CACNA1S: variants seen among roughly 807,000 people sequenced by gnomAD.
CACNA1S encodes calcium voltage-gated channel subunit alpha1 S, also known as voltage-dependent L-type calcium channel subunit alpha-1S.
A neutral mutation model predicts 207.4 loss-of-function variants in CACNA1S; 126 were observed. The ratio of observed to expected loss-of-function variants is 0.61; its 90% CI spans 0.53 to 0.70. The LOEUF is 0.70. Ranked by LOEUF, CACNA1S falls within the 30% of genes least tolerant of loss-of-function variation. CACNA1S has a pLI of 0.00. For missense variants in CACNA1S, 2,349 were observed against 2,422.8 expected, an observed-to-expected ratio of 0.97 and a Z score of 0.64; for synonymous variants, 960 against 932.7, an observed-to-expected ratio of 1.03 and a Z score of -0.53.
chr1:201,044,271 G>A, intron 39 of CACNA1S, 57 bp downstream of exon 39: 2 of 1,607,574 alleles, frequency 1.2e-6, no homozygotes, highest in East Asian at 4.5e-5. Flanking sequence ...TCCTCTCTGT[G>A]AGACACTGCC....
At chr1:201,041,381 C>T (rs1385017738) in intron 41 of CACNA1S, 123 bp downstream of exon 41, 1 of 751,026 alleles carries the variant, frequency 1.3e-6, no homozygotes, top group East Asian at 2.7e-5. Flanking sequence ...AGATGACTGC[C>T]ATTGTAACAG....
intron 7 of CACNA1S, among the ~76,000 whole-genome samples, chr1:201,087,239 A>G (rs1187886287): frequency 2.0e-5 from 3 of 152,238 alleles, no homozygotes; most frequent in Non-Finnish European, 4.4e-5. Context: ...CAACAACCCT[A>G]TGAGATAGAT....
At chr1:201,060,049 C>A (rs552649646) in intron 26 of CACNA1S, among the ~76,000 whole-genome samples, 1 of 152,206 alleles carries the variant, frequency 6.6e-6, no homozygotes. Flanking sequence ...TGATCCTCTG[C>A]GACCTGGGCC....
intron 2 of CACNA1S, among the ~76,000 whole-genome samples, chr1:201,097,910 C>T (rs1278040448): frequency 6.6e-6 from 1 of 152,182 alleles, no homozygotes; most frequent in Admixed American, 6.5e-5. Context: ...TTGCTGTTCT[C>T]TCTGCCTGCA....
chr1:201,061,461 A>ACAG lies in CACNA1S; in HGVS notation c.3058_3060dup (p.Leu1020dup). 1 of 1,614,002 alleles carries ACAG rather than the reference A, an allele frequency of 6.2e-7. No individual in the cohort carries two copies. On this transcript the variant is annotated inframe_insertion, in exon 25 of 44. Coordinates refer to ENST00000362061, the MANE Select transcript of CACNA1S (RefSeq NM_000069.3). ...TCCGCATTGGAGTCTATGGCCTTGT[A>ACAG]CAGCAGCCTGGGGGTGGGCAGAGAA...
chr1:201,084,678 T>G (rs956764967), intron 9 of CACNA1S, among the ~76,000 whole-genome samples: 2 of 152,190 alleles, frequency 1.3e-5, no homozygotes, highest in Non-Finnish European at 2.9e-5. Context: ...GCAGCAAGCA[T>G]GCTCACTGCT....
chr1:201,056,082 C>CACACACAT lies in CACNA1S; in HGVS notation c.3610-1522_3610-1521insATGTGTGT, dbSNP rs1553249523. On this transcript the variant is annotated intron_variant, in intron 28 of 43. Transcript: ENST00000362061. ...AGACAGACAGACAGACACACACACA[C>CACACACAT]ACACACACACACACACACACACACT... is the stretch of plus-strand genomic sequence containing the variant. Among the ~76,000 whole-genome samples the CACACACAT allele has an allele frequency of 9.2e-3, 1,387 of 150,564 alleles. 11 individuals carry two copies. Among genetic ancestry groups the CACACACAT allele is most frequent in the Non-Finnish European group, 0.014 (950 of 67,536 alleles).
chr1:201,066,215 G>A lies in CACNA1S; in HGVS notation c.2745+14C>T, dbSNP rs74138824. 1,569 of 1,612,162 alleles carry A rather than the reference G, an allele frequency of 9.7e-4. 6 individuals carry two copies. In the African/African-American group the frequency reaches 0.015, roughly 15 times the overall value. ...CCATTCCTCTCTGGGGCTCCTGCCCGGGCCCTCTCTCACCTTCAACCCCTT... is the reference window on the plus strand; with the variant it reads ...CCATTCCTCTCTGGGGCTCCTGCCCAGGCCCTCTCTCACCTTCAACCCCTT... On this transcript the variant is annotated intron_variant, in intron 21 of 43. Coordinates refer to ENST00000362061, the MANE Select transcript of CACNA1S (RefSeq NM_000069.3). The surrounding 1 kb of genome is among the most constrained non-coding windows in gnomAD (Gnocchi z 4.3).
At chr1:201,068,548 G>T (rs1401380925) in intron 19 of CACNA1S, among the ~76,000 whole-genome samples, 1 of 149,430 alleles carries the variant, frequency 6.7e-6, no homozygotes, top group African/African-American at 2.5e-5. Context: ...CGGCCACCAG[G>T]TCTGCTCTTA....
intron 22 of CACNA1S, 143 bp from the exon 23 acceptor site, chr1:201,062,657 CAG>C: frequency 2.7e-6 from 2 of 750,794 alleles, no homozygotes; most frequent in Non-Finnish European, 4.6e-6. Context: ...CTCTTCCTCT[CAG>C]AGGCGTGAAC....
rs775885648 is a variant in CACNA1S, at chr1:201,047,543, C to T, written c.4525G>A (p.Val1509Ile). ...KRTSMKLLDQVIPPIGDDEVT... is the reference protein window; with the variant it reads ...KRTSMKLLDQIIPPIGDDEVT... Reference sequence around the variant, plus strand: ...CACCTACCTCCTATTGGAGGGATGACCTGGTCCAAGAGCTTCATGCTGGTT... The same window carrying T: ...CACCTACCTCCTATTGGAGGGATGATCTGGTCCAAGAGCTTCATGCTGGTT... The change falls in exon 37 of 44, where the codon GTC becomes ATC. Residue 1509 changes from valine (V) to isoleucine (I), a missense_variant. Physicochemically the swap from Val to Ile is conservative, Grantham distance 29 (BLOSUM62 3). Transcript: ENST00000362061. The T allele has an allele frequency of 7.4e-6, 12 of 1,613,988 alleles. No individual in the cohort carries two copies. In the East Asian group the frequency reaches 2.0e-4, roughly 27 times the overall value.
At chr1:201,069,440 T>G (rs1224184361) in intron 18 of CACNA1S, 32 bp downstream of exon 18, 4 of 1,604,810 alleles carry the variant, frequency 2.5e-6, no homozygotes, top group Non-Finnish European at 3.4e-6. Context: ...GGGGCAGGGG[T>G]GCTGAGTGGC....
At position 201,069,704 on chromosome 1, in the gene CACNA1S, C is replaced by T. The variant is rs556985370; in HGVS notation, c.2361-103G>A. 3.2e-5 allele frequency: 45 copies of T among 1,391,642 alleles called. No individual in the cohort carries two copies. In the Middle Eastern group the frequency reaches 1.6e-3, roughly 49 times the overall value. The allele number at this position is 1,391,642 out of a possible 1,614,324, so 86.2% of individuals were successfully genotyped here. On this transcript the variant is annotated intron_variant, in intron 17 of 43. Transcript: ENST00000362061. ...ACGAACATGGAATACACCTCCTGCT[C>T]CTCCCTGGCCAGGAGAGAAGTGCAG...
At chr1:201,048,251 C>T (rs911277307) in intron 36 of CACNA1S, among the ~76,000 whole-genome samples, 2 of 152,248 alleles carry the variant, frequency 1.3e-5, no homozygotes, top group African/African-American at 2.4e-5. Context: ...TCAGCCTGCC[C>T]AGTGCTGCCT....
intron 2 of CACNA1S, among the ~76,000 whole-genome samples, chr1:201,096,239 C>T (rs1018467175): frequency 3.3e-5 from 5 of 152,210 alleles, no homozygotes; most frequent in Non-Finnish European, 5.9e-5. Flanking sequence ...CCACCATACT[C>T]CCTCCAGCCC....
chr1:201,111,713 G>A (rs1283967568), intron 1 of CACNA1S, among the ~76,000 whole-genome samples: 1 of 151,944 alleles, frequency 6.6e-6, no homozygotes, highest in East Asian at 1.9e-4. Flanking sequence ...ATCTTTTTTT[G>A]GTCCCTATCC....
chr1:201,069,271 A>G lies in CACNA1S; in HGVS notation c.2491-75T>C. On this transcript the variant is annotated intron_variant, in intron 18 of 43. Transcript: ENST00000362061. ...ACAGTATCAGCAGCAGCAGCAGCAT[A>G]AAGCAGGCAGTCAGAGCCATTCTGT... 2.0e-6 allele frequency: 3 copies of G among 1,495,202 alleles called. No individual in the cohort carries two copies. In the South Asian group the frequency reaches 3.4e-5, roughly 17 times the overall value. The allele number at this position is 1,495,202 out of a possible 1,614,324, so 92.6% of individuals were successfully genotyped here.
chr1:201,082,558 G>T (rs1449373971), intron 10 of CACNA1S, among the ~76,000 whole-genome samples: 1 of 152,172 alleles, frequency 6.6e-6, no homozygotes, highest in Non-Finnish European at 1.5e-5. Context: ...CAGAGTTTCA[G>T]CATCTCTTCT....
At chr1:201,088,048 G>A in intron 6 of CACNA1S, 119 bp from the exon 7 acceptor site, 1 of 731,808 alleles carries the variant, frequency 1.4e-6, no homozygotes, top group East Asian at 2.7e-5. Context: ...CTGGGATATT[G>A]AGGGGACATT....
Sources: allele counts gnomAD v4.1 joint callset (sites outside exome capture counted in the v4.1 genomes callset), GRCh38; gene constraint gnomAD v4.1.1; non-coding constraint Gnocchi (gnomAD v3.1); transcripts MANE v1.5; gene names NCBI Gene and HGNC (gene_info 2026-07-23, HGNC 2026-07-21).